The following ZER1 variants were observed in gnomAD, a reference collection of about 807,000 sequenced individuals.
The protein encoded by ZER1 is zyg-11 related cell cycle regulator.
ZER1 carries 11 observed loss-of-function variants against 78.8 expected under a neutral mutation model. The observed-to-expected ratio is 0.14, with a 90% CI of 0.09 to 0.23. The LOEUF is 0.23. ZER1 is among the 10% of genes least tolerant of loss of function. ZER1 has a pLI of 1.00. For synonymous variants in ZER1, 400 were observed against 407.0 expected (o/e 0.98, Z 0.21); for missense variants, 588 against 996.9 (o/e 0.59, Z 5.52).
chr9:128,739,786 G>A (rs1276642151), intron 13 of ZER1, 145 bp downstream of exon 13: 15 of 982,112 alleles, frequency 1.5e-5, no homozygotes, highest in Non-Finnish European at 2.2e-5. Flanking sequence ...GCTGTGTGCG[G>A]CTACGTATCA....
chr9:128,767,396 C>T (rs1174306669), intron 1 of ZER1, among the ~76,000 whole-genome samples: 4 of 152,090 alleles, frequency 2.6e-5, no homozygotes. Context: ...CAGACGTATA[C>T]CAACAGACCT....
In ZER1 at chr9:128,753,126, CAAACCCCACCCTGGTGAGCTCTGGGCCA is replaced by C; in HGVS notation, c.746+10_746+37del. On this transcript the variant is annotated intron_variant, in intron 4 of 15. Transcript: ENST00000291900. The surrounding 1 kb of genome is among the most constrained non-coding windows in gnomAD (Gnocchi z 7.5). ...CCTCTACTCCTCCCCACCTGCCCCCCAAACCCCACCCTGGTGAGCTCTGGGCCAGGAGCTCACCGCAGCTTGTGCAGCT... is the reference window on the plus strand; with the variant it reads ...CCTCTACTCCTCCCCACCTGCCCCCCGGAGCTCACCGCAGCTTGTGCAGCT... 1 of 1,493,700 alleles carries C rather than the reference CAAACCCCACCCTGGTGAGCTCTGGGCCA, an allele frequency of 6.7e-7. No individual in the cohort carries two copies. Among genetic ancestry groups the C allele is most frequent in the Non-Finnish European group, 8.9e-7 (1 of 1,120,382 alleles). 92.5% of individuals were successfully genotyped at this position (1,493,700 alleles called of 1,614,324 possible).
Position 128,742,577 on chromosome 9 carries a change from C to T in ZER1, c.1528G>A (p.Val510Ile). The change falls in exon 9 of 16, where the codon GTA (valine) becomes ATA (isoleucine). Residue 510 changes from valine to isoleucine, a missense_variant. Transcript: ENST00000291900. ...ACGGCCTCCTTGTGGTCGTTGTCTA[C>T]CTGGCAGACCAGGGCATTGCACAGG... is the stretch of plus-strand genomic sequence containing the variant. ...VHLCNALVCQVDNDHKEAVGK... is the reference protein window; with the variant it reads ...VHLCNALVCQIDNDHKEAVGK... The T allele has an allele frequency of 6.2e-7, 1 of 1,614,230 alleles. No individual in the cohort carries two copies. Among genetic ancestry groups the T allele is most frequent in the Non-Finnish European group, 8.5e-7 (1 of 1,180,046 alleles).
chr9:128,759,036 C>CT (rs1863954974), intron 1 of ZER1, among the ~76,000 whole-genome samples: 1 of 150,366 alleles, frequency 6.7e-6, no homozygotes, highest in South Asian at 2.1e-4. Flanking sequence ...CTTGCTCTGT[C>CT]ACCAGGCTGG....
chr9:128,753,213 C>A lies in ZER1; in HGVS notation c.697G>T (p.Asp233Tyr). 6.3e-7 allele frequency: 1 copy of A among 1,581,480 alleles called. No homozygotes were observed. Among genetic ancestry groups the A allele is most frequent in the Non-Finnish European group, 8.6e-7 (1 of 1,164,054 alleles). ...ACCCGGATGTGGTCGTCGGACAGGT[C>A]CATGTTGTAGAGGACGAGGGACACC... is the stretch of plus-strand genomic sequence containing the variant. ...SLVSLVLYNMDLSDDHIRVIV... is the reference protein window; with the variant it reads ...SLVSLVLYNMYLSDDHIRVIV... The change falls in exon 4 of 16, where the codon GAC becomes TAC. Residue 233 changes from aspartate to tyrosine, a missense_variant. Coordinates refer to ENST00000291900, the MANE Select transcript of ZER1 (RefSeq NM_006336.4). The surrounding 1 kb of genome is among the most constrained non-coding windows in gnomAD (Gnocchi z 7.5).
chr9:128,742,257 A>G (rs780253096), intron 9 of ZER1, among the ~76,000 whole-genome samples: 9 of 152,142 alleles, frequency 5.9e-5, no homozygotes, highest in Non-Finnish European at 1.2e-4. Flanking sequence ...ACAGCATGGC[A>G]TCTTTCCCTA....
rs1176953959 is a variant in ZER1 at position 128,766,845 on chromosome 9, CAAAAAAAAAAA to C, written c.-95+4725_-95+4735del. 1.6e-4 allele frequency among the ~76,000 whole-genome samples: 8 copies of C among 49,652 alleles called. No homozygotes were observed. The Admixed American group carries it at 1.7e-3, about 10-fold the overall frequency. 32.6% of individuals were successfully genotyped at this position (49,652 alleles called of 152,430 possible). A position where few individuals can be genotyped will look rare whatever the true frequency, so the allele number is the denominator to read the frequency against. On this transcript the variant is annotated intron_variant, in intron 1 of 15. Transcript: ENST00000291900. ...TGGGTGACAGAGCAAGATTCCGTCTCAAAAAAAAAAAAAAAAAAAAAAAGACCCAGTGTGTC... is the reference window on the plus strand; with the variant it reads ...TGGGTGACAGAGCAAGATTCCGTCTCAAAAAAAAAAAAGACCCAGTGTGTC...
intron 13 of ZER1, among the ~76,000 whole-genome samples, chr9:128,738,682 A>T (rs1863179466): frequency 6.8e-6 from 1 of 147,016 alleles, no homozygotes; most frequent in Non-Finnish European, 1.5e-5. Context: ...ACCGCGCCTG[A>T]CCTTCTTCTT....
At chr9:128,737,527 C>T (rs189535983) in intron 13 of ZER1, among the ~76,000 whole-genome samples, 3 of 152,242 alleles carry the variant, frequency 2.0e-5, no homozygotes, top group East Asian at 1.9e-4. Flanking sequence ...CCTAAAATGA[C>T]GAGGGAGATC....
intron 13 of ZER1, among the ~76,000 whole-genome samples, chr9:128,738,548 G>T (rs1420371669): frequency 7.0e-6 from 1 of 143,866 alleles, no homozygotes; most frequent in Non-Finnish European, 1.5e-5. Context: ...ACCACGCCCG[G>T]CTAATTTTTT....
At chr9:128,737,743 C>T (rs1264016907) in intron 13 of ZER1, among the ~76,000 whole-genome samples, 2 of 152,012 alleles carry the variant, frequency 1.3e-5, no homozygotes, top group Non-Finnish European at 1.5e-5. Flanking sequence ...CACTCTGTTG[C>T]CCAGGCTGGA....
chr9:128,731,517 G>T, intron 15 of ZER1, 123 bp from the exon 16 acceptor site: 2 of 765,180 alleles, frequency 2.6e-6, no homozygotes, highest in Non-Finnish European at 4.3e-6. Flanking sequence ...CTGACCGAAT[G>T]ATGTGGACAG....
At position 128,761,422 on chromosome 9, in the gene ZER1, G is replaced by C. The variant is rs551822550; in HGVS notation, c.-94-5763C>G. 1.6e-4 allele frequency among the ~76,000 whole-genome samples: 24 copies of C among 151,672 alleles called. No homozygotes were observed. In the East Asian group the frequency reaches 4.2e-3, roughly 26 times the overall value. ...CTGCCTCAGCTTCCTGAGTACCTGG[G>C]ACTACAGGCACCTGCCCCTACACCC... On this transcript the variant is annotated intron_variant, in intron 1 of 15. Transcript: ENST00000291900.
chr9:128,753,512 G>T lies in ZER1; in HGVS notation c.398C>A (p.Ser133Tyr). 1 of 1,614,106 alleles carries T rather than the reference G, an allele frequency of 6.2e-7. No homozygotes were observed. The change falls in exon 4 of 16, where the codon TCC becomes TAC. Residue 133 changes from serine to tyrosine, a missense_variant. Transcript: ENST00000291900. The surrounding 1 kb of genome is among the most constrained non-coding windows in gnomAD (Gnocchi z 7.5). ...TLRSFSHTLV[S>Y]LSLFGCTNIF... ...GTTTGTACAGCCGAAGAGGCTCAAGGACACCAGGGTGTGGCTGAAGCTCCT... is the reference window on the plus strand; with the variant it reads ...GTTTGTACAGCCGAAGAGGCTCAAGTACACCAGGGTGTGGCTGAAGCTCCT...
At chr9:128,764,845 C>G (rs1173698774) in intron 1 of ZER1, among the ~76,000 whole-genome samples, 2 of 152,160 alleles carry the variant, frequency 1.3e-5, no homozygotes, top group Non-Finnish European at 2.9e-5. Context: ...CTGGGAGAAC[C>G]CTGTGTCTTT....
Position 128,751,163 on chromosome 9 carries a change from C to T in ZER1, c.1144G>A (p.Ala382Thr), listed in dbSNP as rs764346710. Reference sequence around the variant, plus strand: ...AGCTGGTTGCAACGCTCGATGCGGGCGATGTCAAAAAGCAAGTTGATGGCC... The same window carrying T: ...AGCTGGTTGCAACGCTCGATGCGGGTGATGTCAAAAAGCAAGTTGATGGCC... ...SRAINLLFDI[A>T]RIERCNQLLR... Residue 382 changes from alanine (A) to threonine (T), a missense_variant, in exon 7 of 16, where the codon GCC (alanine) becomes ACC (threonine). By Grantham distance (58) the Ala-to-Thr change is moderately conservative (BLOSUM62 0). This residue lies in a region of ZER1 where 406 missense variants were observed against 660.1 expected (regional missense o/e 0.62). Transcript: ENST00000291900. The surrounding 1 kb of genome is among the most constrained non-coding windows in gnomAD (Gnocchi z 5.4). The T allele has an allele frequency of 6.9e-6, 11 of 1,605,182 alleles. No homozygotes were observed. The highest frequency in any genetic ancestry group is 1.7e-5 in the Admixed American group (1 of 59,244).
intron 1 of ZER1, among the ~76,000 whole-genome samples, chr9:128,759,488 A>G (rs1437691878): frequency 6.7e-6 from 1 of 150,050 alleles, no homozygotes; most frequent in African/African-American, 2.4e-5. Context: ...GAATATTGTA[A>G]TTGAATAGAA....
At chr9:128,772,036 G>T (rs374821112), upstream of ZER1, 1 of 152,302 alleles carries the variant, frequency 6.6e-6, no homozygotes, top group African/African-American at 2.4e-5. Flanking sequence ...GGACCGGCGG[G>T]CGGCTCCTTT....
At chr9:128,737,534 G>T (rs1020322587) in intron 13 of ZER1, among the ~76,000 whole-genome samples, 2 of 152,198 alleles carry the variant, frequency 1.3e-5, no homozygotes, top group Non-Finnish European at 2.9e-5. Flanking sequence ...TGACGAGGGA[G>T]ATCCATGCCT....
Sources: allele counts gnomAD v4.1 joint callset (sites outside exome capture counted in the v4.1 genomes callset), GRCh38; gene constraint gnomAD v4.1.1; regional missense constraint gnomAD v4.1.1; non-coding constraint Gnocchi (gnomAD v3.1); transcripts MANE v1.5; gene names NCBI Gene and HGNC (gene_info 2026-07-23, HGNC 2026-07-21).